The following SGIP1 variants were observed in gnomAD, a reference collection of about 807,000 sequenced individuals.
SGIP1 encodes the protein SH3GL interacting endocytic adaptor 1, also known as SH3-containing GRB2-like protein 3-interacting protein 1.
SGIP1 carries 38 observed loss-of-function variants against 107.5 expected under a neutral mutation model. The ratio of observed to expected loss-of-function variants is 0.35; its 90% CI spans 0.27 to 0.46. The LOEUF (loss-of-function observed/expected upper bound fraction) is 0.46, where lower values mean the gene tolerates loss of function less well. Ranked by LOEUF, SGIP1 falls within the 20% of genes least tolerant of loss-of-function variation. The pLI, the probability that SGIP1 is intolerant of heterozygous loss-of-function variation, is 1.00. For missense variants in SGIP1, 929 were observed against 1,019.5 expected (o/e 0.91, Z 1.21); for synonymous variants, 365 against 366.1 (o/e 1.00, Z 0.03).
At chr1:66,636,134 T>C (rs2075737617) in intron 4 of SGIP1, 119 bp downstream of exon 4, 2 of 918,902 alleles carry the variant, frequency 2.2e-6, no homozygotes, top group South Asian at 1.7e-5. Flanking sequence ...AGAAAACTCT[T>C]AGGTATTTCC....
chr1:66,729,428 G>C lies in SGIP1; in HGVS notation c.1898+9G>C. 2 of 1,613,946 alleles carry C rather than the reference G, an allele frequency of 1.2e-6. No homozygotes were observed. Among genetic ancestry groups the C allele is most frequent in the Non-Finnish European group, 1.7e-6 (2 of 1,179,920 alleles). On this transcript the variant is annotated intron_variant, in intron 20 of 24. Transcript: ENST00000371037. ...CCCCAACTTCTCTGCTGGTAAATAT[G>C]ATTTTGCATAAATTTTTCAGAGATA... is the stretch of plus-strand genomic sequence containing the variant.
intron 12 of SGIP1, among the ~76,000 whole-genome samples, chr1:66,676,069 G>A (rs2149907237): frequency 6.6e-6 from 1 of 152,284 alleles, no homozygotes; most frequent in East Asian, 1.9e-4. Flanking sequence ...GTGTTTTATA[G>A]ACATTTTATA....
chr1:66,679,107 C>T (rs1448152670), intron 13 of SGIP1, among the ~76,000 whole-genome samples: 1 of 152,156 alleles, frequency 6.6e-6, no homozygotes, highest in Non-Finnish European at 1.5e-5. Context: ...TCCTCCTTGA[C>T]CCAAGCAGTT....
At chr1:66,608,273 C>G (rs1471011645) in intron 1 of SGIP1, among the ~76,000 whole-genome samples, 1 of 152,222 alleles carries the variant, frequency 6.6e-6, no homozygotes, top group Non-Finnish European at 1.5e-5. Context: ...TAAATGCTAG[C>G]TTACAGCTAG....
chr1:66,650,454 AAAC>A (rs1317408569), intron 7 of SGIP1, among the ~76,000 whole-genome samples: 1 of 152,166 alleles, frequency 6.6e-6, no homozygotes, highest in Non-Finnish European at 1.5e-5. Context: ...CAGTCTGAGA[AAAC>A]AACATCTAGT....
chr1:66,626,138 T>A (rs2072651579), intron 2 of SGIP1: 8 of 21,002 alleles, frequency 3.8e-4, no homozygotes, highest in African/African-American at 4.2e-4. Context: ...TCTTTCTTTC[T>A]TTTTTTTTTT....
chr1:66,682,213 A>T lies in SGIP1; in HGVS notation c.1159A>T (p.Thr387Ser). 1 of 1,614,232 alleles carries T rather than the reference A, an allele frequency of 6.2e-7. No individual in the cohort carries two copies. Reference sequence around the variant, plus strand: ...AGTCCAGAAGAAAGTCGCTGAGCAGACCTTCATTAAAGATGATTACTTAGA... The same window carrying T: ...AGTCCAGAAGAAAGTCGCTGAGCAGTCCTTCATTAAAGATGATTACTTAGA... ...EEVQKKVAEQ[T>S]FIKDDYLETI... Residue 387 changes from threonine (T) to serine (S), a missense_variant, in exon 15 of 25, where the codon ACC (threonine) becomes TCC (serine). By Grantham distance (58) the Thr-to-Ser change is moderately conservative. Coordinates refer to ENST00000371037, the MANE Select transcript of SGIP1 (RefSeq NM_032291.4).
chr1:66,616,430 A>G (rs1273569543), intron 1 of SGIP1, among the ~76,000 whole-genome samples: 1 of 152,218 alleles, frequency 6.6e-6, no homozygotes, highest in African/African-American at 2.4e-5. Flanking sequence ...AAAGTGATGT[A>G]CAATATATTT....
chr1:66,692,256 C>G (rs1030044425), intron 17 of SGIP1, among the ~76,000 whole-genome samples: 1 of 151,778 alleles, frequency 6.6e-6, no homozygotes, highest in South Asian at 2.1e-4. Flanking sequence ...AAATCCTGGC[C>G]AGAAACTTTG....
chr1:66,551,416 A>G (rs1385732777), intron 1 of SGIP1, among the ~76,000 whole-genome samples: 1 of 152,168 alleles, frequency 6.6e-6, no homozygotes, highest in Non-Finnish European at 1.5e-5. Context: ...TAGCATTTCA[A>G]AGGCAATTCA....
At chr1:66,743,001 A>G (rs911236573) in intron 24 of SGIP1, 72 bp from the exon 25 acceptor site, 10 of 1,545,292 alleles carry the variant, frequency 6.5e-6, no homozygotes, top group Middle Eastern at 1.7e-4. Flanking sequence ...GGAGGAATAG[A>G]AAAGTTACCC....
chr1:66,729,962 T>A (rs1025567834), intron 20 of SGIP1, among the ~76,000 whole-genome samples: 2 of 152,084 alleles, frequency 1.3e-5, no homozygotes, highest in African/African-American at 4.8e-5. Context: ...CCACCACACC[T>A]GGCTAATTTT....
chr1:66,596,572 A>T (rs2064756492), intron 1 of SGIP1, among the ~76,000 whole-genome samples: 1 of 151,726 alleles, frequency 6.6e-6, no homozygotes, highest in Admixed American at 6.6e-5. Flanking sequence ...AGGGGAAGAT[A>T]AGTTCTCAAT....
At chr1:66,628,272 A>T (rs1036587270) in intron 2 of SGIP1, among the ~76,000 whole-genome samples, 1 of 152,078 alleles carries the variant, frequency 6.6e-6, no homozygotes, top group Admixed American at 6.6e-5. Context: ...ATCATTAACC[A>T]CCCAGAATAT....
intron 14 of SGIP1, among the ~76,000 whole-genome samples, chr1:66,680,607 C>T (rs1169688998): frequency 2.6e-5 from 4 of 152,150 alleles, no homozygotes; most frequent in African/African-American, 7.2e-5. Context: ...GAGAGTCATC[C>T]AGAGCTTCAT....
At chr1:66,735,586 C>T in intron 21 of SGIP1, among the ~76,000 whole-genome samples, 1 of 16,014 alleles carries the variant, frequency 6.2e-5, no homozygotes, top group East Asian at 3.6e-4. Context: ...TTTGGGAGGC[C>T]GAGGCGGGTG....
At chr1:66,687,263 G>C (rs930057795) in intron 15 of SGIP1, among the ~76,000 whole-genome samples, 3 of 146,806 alleles carry the variant, frequency 2.0e-5, no homozygotes. Flanking sequence ...TGGTTTTCAC[G>C]AAGCTAAATA....
At chr1:66,635,086 C>T (rs1258573048) in intron 3 of SGIP1, among the ~76,000 whole-genome samples, 1 of 152,190 alleles carries the variant, frequency 6.6e-6, no homozygotes, top group Non-Finnish European at 1.5e-5. Context: ...TGGTGGTGCA[C>T]CTACCTAATG....
chr1:66,613,560 G>A (rs1230563818), intron 1 of SGIP1, among the ~76,000 whole-genome samples: 1 of 152,108 alleles, frequency 6.6e-6, no homozygotes, highest in African/African-American at 2.4e-5. Flanking sequence ...CAACTCATGA[G>A]CTCAAGTGAT....
Sources: allele counts gnomAD v4.1 joint callset (sites outside exome capture counted in the v4.1 genomes callset), GRCh38; gene constraint gnomAD v4.1.1; transcripts MANE v1.5; gene names NCBI Gene and HGNC (gene_info 2026-07-23, HGNC 2026-07-21).